The following ZNF746 variants were observed in gnomAD, a reference collection of about 807,000 sequenced individuals.
ZNF746 encodes parkin-interacting substrate.
A neutral mutation model predicts 41.0 loss-of-function variants in ZNF746; 13 were observed. The observed-to-expected ratio is 0.32, with a 90% CI of 0.21 to 0.50. ZNF746 has a LOEUF of 0.50. ZNF746 is among the 20% of genes least tolerant of loss of function. ZNF746 has a pLI of 0.98. For missense variants in ZNF746, 811 were observed against 922.9 expected (o/e 0.88, Z 1.57); for synonymous variants, 424 against 396.2 (o/e 1.07, Z -0.83).
At position 149,474,964 on chromosome 7, in the gene ZNF746, G is replaced by C; in HGVS notation, c.1403C>G (p.Pro468Arg). ...KHPAAPPGGR[P>R]FTCATCGKSF... Reference sequence around the variant, plus strand: ...CTTCCCACACGTGGCGCAGGTGAAGGGCCGGCCCCCGGGGGGCGCCGCGGG... The same window carrying C: ...CTTCCCACACGTGGCGCAGGTGAAGCGCCGGCCCCCGGGGGGCGCCGCGGG... The change falls in exon 7 of 7, where the codon CCC becomes CGC. Residue 468 changes from proline to arginine, a missense_variant. Transcript: ENST00000458143. The surrounding 1 kb of genome is among the most constrained non-coding windows in gnomAD (Gnocchi z 6.3). 3 of 1,547,830 alleles carry C rather than the reference G, an allele frequency of 1.9e-6. No homozygotes were observed. Among genetic ancestry groups the C allele is most frequent in the Non-Finnish European group, 2.6e-6 (3 of 1,146,712 alleles).
Position 149,493,906 on chromosome 7 carries a change from T to C in ZNF746, c.451+83A>G, listed in dbSNP as rs1800895174. 4 of 1,607,538 alleles carry C rather than the reference T, an allele frequency of 2.5e-6. No individual in the cohort carries two copies. In the South Asian group the frequency reaches 3.3e-5, roughly 13 times the overall value. On this transcript the variant is annotated intron_variant, in intron 3 of 6. Transcript: ENST00000458143. ...ATGTTTCTGGTGATTTATATAACAC[T>C]GACATGAAAACAACTATGTGGAGGG...
intron 1 of ZNF746, among the ~76,000 whole-genome samples, chr7:149,495,675 G>T (rs1025054733): frequency 6.6e-6 from 1 of 152,210 alleles, no homozygotes; most frequent in African/African-American, 2.4e-5. Flanking sequence ...CTAGAAACCA[G>T]TGTGGATTCA....
intron 6 of ZNF746, 66 bp from the exon 7 acceptor site, chr7:149,475,549 C>T (rs1189363270): frequency 4.5e-6 from 7 of 1,541,218 alleles, no homozygotes; most frequent in Non-Finnish European, 6.1e-6. Flanking sequence ...CGATCTGCCA[C>T]CATCACCTGC....
In ZNF746 at chr7:149,474,881, C is replaced by A. The variant is rs1467141815; in HGVS notation, c.1486G>T (p.Gly496Trp). The A allele has an allele frequency of 1.3e-6, 2 of 1,509,934 alleles. No homozygotes were observed. Among genetic ancestry groups the A allele is most frequent in the Non-Finnish European group, 1.8e-6 (2 of 1,134,990 alleles). The allele number at this position is 1,509,934 out of a possible 1,614,324, so 93.5% of individuals were successfully genotyped here. A position where few individuals can be genotyped will look rare whatever the true frequency, so the allele number is the denominator to read the frequency against. The change falls in exon 7 of 7, where the codon GGG (glycine) becomes TGG (tryptophan). Residue 496 changes from glycine to tryptophan, a missense_variant. Gly to Trp is a radical substitution (Grantham distance 184). Transcript: ENST00000458143. The surrounding 1 kb of genome is among the most constrained non-coding windows in gnomAD (Gnocchi z 6.3). ...CCACCGCCTGTGCCCGGGCCCGACC[C>A]GTCGGGCGCCCCACAGCTGCGCTGG... The part of the protein sequence containing the change: ...AHQRSCGAPD[G>W]SGPGTGGGGS...
In ZNF746 at chr7:149,497,387, G is replaced by A. The variant is rs1801043280; in HGVS notation, c.24+126C>T. 2.0e-6 allele frequency: 2 copies of A among 996,454 alleles called. No individual in the cohort carries two copies. Among genetic ancestry groups the A allele is most frequent in the Non-Finnish European group, 1.2e-6 (1 of 831,500 alleles). The allele number at this position is 996,454 out of a possible 1,614,324, so 61.7% of individuals were successfully genotyped here. On this transcript the variant is annotated intron_variant, in intron 1 of 6. Coordinates refer to ENST00000458143, the MANE Select transcript of ZNF746 (RefSeq NM_001394198.1). This position sits in a 1 kb window ranked among gnomAD's most constrained non-coding sequence, Gnocchi z 4.2. ...CGGACCCCGCGCCCCATTCGCGGGA[G>A]CCCCAGGCCCGGTGGTCCGGCCCGG...
Position 149,497,635 on chromosome 7 carries a change from C to T in ZNF746, c.-99G>A, listed in dbSNP as rs1801057953. 1 of 933,308 alleles carries T rather than the reference C, an allele frequency of 1.1e-6. No homozygotes were observed. The highest frequency in any genetic ancestry group is 5.2e-4 in the Middle Eastern group (1 of 1,908). 57.8% of individuals were successfully genotyped at this position (933,308 alleles called of 1,614,324 possible). A position where few individuals can be genotyped will look rare whatever the true frequency, so the allele number is the denominator to read the frequency against. On this transcript the variant is annotated 5_prime_UTR_variant, in exon 1 of 7. Coordinates refer to ENST00000458143, the MANE Select transcript of ZNF746 (RefSeq NM_001394198.1). This position sits in a 1 kb window ranked among gnomAD's most constrained non-coding sequence, Gnocchi z 4.2. Reference sequence around the variant, plus strand: ...GCCGCCCGGTGCTCTCCGCAGGCGGCGCCTGCCTGGCCTTTCCTCTGCCGC... The same window carrying T: ...GCCGCCCGGTGCTCTCCGCAGGCGGTGCCTGCCTGGCCTTTCCTCTGCCGC...
chr7:149,477,860 A>G, intron 4 of ZNF746, 105 bp from the exon 5 acceptor site: 2 of 970,236 alleles, frequency 2.1e-6, no homozygotes, highest in Non-Finnish European at 2.9e-6. Flanking sequence ...ACAAGGGTCC[A>G]ACAGCAAAAG....
Position 149,475,211 on chromosome 7 carries a change from C to T in ZNF746, c.1156G>A (p.Gly386Arg). Residue 386 changes from glycine (G) to arginine (R), a missense_variant, in exon 7 of 7, where the codon GGG (glycine) becomes AGG (arginine). Transcript: ENST00000458143. ...CGGACCCCTCCGAAGAGCCAGTCCC[C>T]AGGAGGGGTCTCCTCCTGGGCCACA... ...PAVAQEETPP[G>R]DWLFGGVRWG... 2 of 1,613,012 alleles carry T rather than the reference C, an allele frequency of 1.2e-6. No homozygotes were observed. The highest frequency in any genetic ancestry group is 1.7e-6 in the Non-Finnish European group (2 of 1,179,804).
chr7:149,486,133 A>T (rs1800614595), intron 4 of ZNF746, among the ~76,000 whole-genome samples: 1 of 152,220 alleles, frequency 6.6e-6, no homozygotes, highest in South Asian at 2.1e-4. Context: ...TGTAATGTTC[A>T]ATCTTATTAA....
At chr7:149,477,447 AG>A in intron 5 of ZNF746, 116 bp downstream of exon 5, 1 of 1,246,278 alleles carries the variant, frequency 8.0e-7, no homozygotes, top group Non-Finnish European at 1.1e-6. Context: ...AAATTTCTAA[AG>A]TTGTCAGGCC....
chr7:149,476,109 T>C (rs963601311), intron 6 of ZNF746, among the ~76,000 whole-genome samples: 1 of 152,096 alleles, frequency 6.6e-6, no homozygotes, highest in African/African-American at 2.4e-5. Flanking sequence ...GGTCAGGAGA[T>C]TGAGACCATC....
rs966138880 is a variant in ZNF746 at position 149,474,929 on chromosome 7, G to C, written c.1438C>G (p.Leu480Val). Residue 480 changes from leucine to valine, a missense_variant, in exon 7 of 7, where the codon CTG becomes GTG. Physicochemically the swap from Leu to Val is conservative, Grantham distance 32. This residue lies in a region of ZNF746 where 495 missense variants were observed against 481.6 expected (regional missense o/e 1.03). Coordinates refer to ENST00000458143, the MANE Select transcript of ZNF746 (RefSeq NM_001394198.1). This position sits in a 1 kb window ranked among gnomAD's most constrained non-coding sequence, Gnocchi z 6.3. ...TGGTGCGCGCTCAGGCTGACTTGCAGCTGGAAGCTCTTCCCACACGTGGCG... is the reference window on the plus strand; with the variant it reads ...TGGTGCGCGCTCAGGCTGACTTGCACCTGGAAGCTCTTCCCACACGTGGCG... ...TCATCGKSFQ[L>V]QVSLSAHQRS... is the part of the protein sequence containing the mutation. 1 of 1,542,776 alleles carries C rather than the reference G, an allele frequency of 6.5e-7. No homozygotes were observed. Among genetic ancestry groups the C allele is most frequent in the Non-Finnish European group, 8.7e-7 (1 of 1,146,552 alleles).
intron 5 of ZNF746, 118 bp from the exon 6 acceptor site, chr7:149,477,165 G>T: frequency 7.6e-7 from 1 of 1,309,776 alleles, no homozygotes; most frequent in Non-Finnish European, 1.0e-6. Context: ...TTTTCTGAGT[G>T]GGCACGAGGA....
At chr7:149,490,335 A>G (rs1203178416) in intron 4 of ZNF746, 2 of 152,214 alleles carry the variant, frequency 1.3e-5, no homozygotes, top group African/African-American at 4.8e-5. Flanking sequence ...CGCCCACTGA[A>G]GTCGCTGGTC....
intron 1 of ZNF746, among the ~76,000 whole-genome samples, chr7:149,496,220 GACA>G (rs1442990109): frequency 2.0e-5 from 3 of 152,240 alleles, no homozygotes; most frequent in South Asian, 4.1e-4. Flanking sequence ...TTTACTCATG[GACA>G]ACAAGGTGCA....
chr7:149,481,455 GA>G lies in ZNF746; in HGVS notation c.566-3701del, dbSNP rs1395516016. On this transcript the variant is annotated intron_variant, in intron 4 of 6. Coordinates refer to ENST00000458143, the MANE Select transcript of ZNF746 (RefSeq NM_001394198.1). ...TGTATTGTTCAGAGAATAATGACAA[GA>G]AAAAAGTCTGTATATGTTTAGTAGA... is the stretch of plus-strand genomic sequence containing the variant. 6.6e-5 allele frequency among the ~76,000 whole-genome samples: 10 copies of G among 152,244 alleles called. No individual in the cohort carries two copies. The East Asian group carries it at 1.9e-3, about 29-fold the overall frequency.
At position 149,474,495 on chromosome 7, in the gene ZNF746, A is replaced by C; in HGVS notation, c.1872T>G (p.Pro624=). 1 of 1,610,314 alleles carries C rather than the reference A, an allele frequency of 6.2e-7. No individual in the cohort carries two copies. Among genetic ancestry groups the C allele is most frequent in the South Asian group, 1.1e-5 (1 of 90,486 alleles). ...TGGAGGCGGGGCTCTTGAAGGGATC[A>C]GGAGGTGCGGGCGGCGTCGGGAGTG... The part of the protein sequence containing the change: ...GQPLPTPPAP[P]DPFKSPASKG... The change falls in exon 7 of 7, where the codon CCT becomes CCG. Residue 624 remains proline (P), a synonymous_variant. Transcript: ENST00000458143. The surrounding 1 kb of genome is among the most constrained non-coding windows in gnomAD (Gnocchi z 6.3).
intron 4 of ZNF746, 103 bp downstream of exon 4, chr7:149,492,756 T>C: frequency 1.2e-6 from 1 of 830,800 alleles, no homozygotes; most frequent in Non-Finnish European, 2.0e-6. Context: ...AAGTTTCATG[T>C]TTCTCCTCGA....
intron 4 of ZNF746, among the ~76,000 whole-genome samples, chr7:149,483,633 A>G (rs1800543906): frequency 6.6e-6 from 1 of 152,076 alleles, no homozygotes; most frequent in South Asian, 2.1e-4. Flanking sequence ...ACAAAAACAC[A>G]GGTCAAAAAT....
Sources: allele counts gnomAD v4.1 joint callset (sites outside exome capture counted in the v4.1 genomes callset), GRCh38; gene constraint gnomAD v4.1.1; regional missense constraint gnomAD v4.1.1; non-coding constraint Gnocchi (gnomAD v3.1); transcripts MANE v1.5; gene names NCBI Gene and HGNC (gene_info 2026-07-23, HGNC 2026-07-21).